BCAS3: variants seen among roughly 807,000 people sequenced by gnomAD.
BCAS3 encodes the protein BCAS4/BCAS3 fusion.
In BCAS3, 53 loss-of-function variants were observed where a neutral mutation model predicts 116.1. That is an observed-to-expected ratio of 0.46 (90% CI 0.37 to 0.57). The LOEUF is 0.57. BCAS3 is among the 20% of genes least tolerant of loss of function. The probability of loss-of-function intolerance (pLI) is 0.00; values close to 1 mark genes in which losing one functional copy is unlikely to be tolerated. For synonymous variants in BCAS3, 391 were observed against 408.2 expected (o/e 0.96, Z 0.51); for missense variants, 917 against 1,165.4 (o/e 0.79, Z 3.10).
chr17:60,775,164 C>A (rs2045150810), intron 6 of BCAS3, among the ~76,000 whole-genome samples: 1 of 152,060 alleles, frequency 6.6e-6, no homozygotes, highest in Admixed American at 6.6e-5. Context: ...TTGAAAGATG[C>A]AGGCATTATA....
chr17:61,273,187 C>T (rs2050456415), intron 22 of BCAS3, among the ~76,000 whole-genome samples: 1 of 151,314 alleles, frequency 6.6e-6, no homozygotes, highest in South Asian at 2.1e-4. Flanking sequence ...GGCTCACTGG[C>T]AGCCTCAACC....
rs2059586520 is a variant in BCAS3 at position 61,381,184 on chromosome 17, T to TC, written c.2594-10791dup. Among the ~76,000 whole-genome samples, 2 of 152,218 alleles carry TC rather than the reference T, an allele frequency of 1.3e-5. No homozygotes were observed. Among genetic ancestry groups the TC allele is most frequent in the Admixed American group, 1.3e-4 (2 of 15,276 alleles). ...GGAGGACTGACAGAACAAATGCACTTCCACCCGACAGGCAAATCGATATCT... is the reference window on the plus strand; with the variant it reads ...GGAGGACTGACAGAACAAATGCACTTCCCACCCGACAGGCAAATCGATATCT... On this transcript the variant is annotated intron_variant, in intron 23 of 23. Transcript: ENST00000407086. The surrounding 1 kb of genome is among the most constrained non-coding windows in gnomAD (Gnocchi z 6.0).
intron 22 of BCAS3, among the ~76,000 whole-genome samples, chr17:61,289,026 C>T (rs941096960): frequency 1.3e-5 from 2 of 152,252 alleles, no homozygotes; most frequent in Admixed American, 6.5e-5. Context: ...CTGCACATTT[C>T]CTCTTGGGCA....
intron 23 of BCAS3, among the ~76,000 whole-genome samples, chr17:61,372,119 C>G (rs1414712490): frequency 6.6e-6 from 1 of 152,170 alleles, no homozygotes; most frequent in East Asian, 1.9e-4. Flanking sequence ...GAAGAAAGAG[C>G]ACTTATTATT....
chr17:60,873,349 A>G lies in BCAS3; in HGVS notation c.585-1313A>G, dbSNP rs188181018. Among the ~76,000 whole-genome samples the G allele has an allele frequency of 1.6e-4, 24 of 152,306 alleles. No individual in the cohort carries two copies. The East Asian group carries it at 4.6e-3, about 29-fold the overall frequency. Reference sequence around the variant, plus strand: ...AATTGTTGTTTTTAAAGATGAACAAAATTAATAAAGCATGCATATGAAATA... The same window carrying G: ...AATTGTTGTTTTTAAAGATGAACAAGATTAATAAAGCATGCATATGAAATA... On this transcript the variant is annotated intron_variant, in intron 8 of 23. Coordinates refer to ENST00000407086, the MANE Select transcript of BCAS3 (RefSeq NM_017679.5).
At chr17:60,888,728 A>AG (rs2056921586) in intron 9 of BCAS3, among the ~76,000 whole-genome samples, 2 of 152,232 alleles carry the variant, frequency 1.3e-5, no homozygotes, top group Admixed American at 1.3e-4. Context: ...TCCTTCAAAC[A>AG]GTAGCATGAA....
chr17:60,831,222 G>A (rs2050892306), intron 7 of BCAS3, among the ~76,000 whole-genome samples: 2 of 151,946 alleles, frequency 1.3e-5, no homozygotes, highest in Admixed American at 1.3e-4. Context: ...TGTCAACCAG[G>A]CTGGAGTGTA....
At chr17:60,705,527 AAAAG>A (rs1026009197) in intron 4 of BCAS3, among the ~76,000 whole-genome samples, 15 of 151,354 alleles carry the variant, frequency 9.9e-5, no homozygotes, top group South Asian at 8.3e-4. Context: ...AAAAAAAAAA[AAAAG>A]AAAAGAAAAT....
intron 15 of BCAS3, among the ~76,000 whole-genome samples, chr17:61,009,243 T>G (rs2064940704): frequency 6.6e-6 from 1 of 152,056 alleles, no homozygotes; most frequent in Non-Finnish European, 1.5e-5. Flanking sequence ...TTTTTGCAAA[T>G]GAAGCTTTGC....
At chr17:61,242,031 C>T (rs2047565559) in intron 22 of BCAS3, among the ~76,000 whole-genome samples, 1 of 152,066 alleles carries the variant, frequency 6.6e-6, no homozygotes, top group Non-Finnish European at 1.5e-5. Context: ...AATTCCAGCA[C>T]TTTGGGAGGC....
At chr17:61,157,939 T>C (rs1406872621) in intron 22 of BCAS3, among the ~76,000 whole-genome samples, 3 of 152,248 alleles carry the variant, frequency 2.0e-5, no homozygotes, top group Non-Finnish European at 4.4e-5. Context: ...CCTGATGCAA[T>C]ATTGAAAACT....
chr17:61,086,371 G>A (rs1272111796), intron 22 of BCAS3, among the ~76,000 whole-genome samples: 1 of 152,182 alleles, frequency 6.6e-6, no homozygotes, highest in African/African-American at 2.4e-5. Context: ...GGGATTACAG[G>A]CATGAGCCAC....
At chr17:60,790,669 C>T (rs2046679342) in intron 6 of BCAS3, among the ~76,000 whole-genome samples, 2 of 150,622 alleles carry the variant, frequency 1.3e-5, no homozygotes, top group African/African-American at 4.9e-5. Context: ...GATATAGGCA[C>T]TGATTATTAT....
intron 7 of BCAS3, among the ~76,000 whole-genome samples, chr17:60,866,325 C>T (rs1215529381): frequency 1.3e-5 from 2 of 151,990 alleles, no homozygotes; most frequent in Non-Finnish European, 2.9e-5. Context: ...GACGGGGTTT[C>T]TCCATGTTGG....
intron 14 of BCAS3, among the ~76,000 whole-genome samples, chr17:60,971,699 A>T (rs1327802478): frequency 2.0e-5 from 3 of 152,212 alleles, no homozygotes; most frequent in African/African-American, 4.8e-5. Flanking sequence ...GGAATAAAAG[A>T]TAAAGTGGCT....
At chr17:60,985,141 C>CTTTTT (rs560277871) in intron 14 of BCAS3, among the ~76,000 whole-genome samples, 4 of 120,358 alleles carry the variant, frequency 3.3e-5, no homozygotes, top group Non-Finnish European at 6.6e-5. Context: ...CAACTGTATT[C>CTTTTT]TTTTTTTTTT....
chr17:61,018,597 C>T (rs758039033), intron 16 of BCAS3, among the ~76,000 whole-genome samples: 16 of 152,182 alleles, frequency 1.1e-4, no homozygotes, highest in Admixed American at 2.6e-4. Context: ...CCACCACGCC[C>T]GGCCCCAAAT....
At chr17:60,713,827 C>A (rs1207182216) in intron 5 of BCAS3, among the ~76,000 whole-genome samples, 1 of 151,994 alleles carries the variant, frequency 6.6e-6, no homozygotes, top group African/African-American at 2.4e-5. Context: ...TTTGCATTTG[C>A]TTTTTTTGTT....
intron 22 of BCAS3, among the ~76,000 whole-genome samples, chr17:61,191,273 A>C (rs1219698841): frequency 6.6e-6 from 1 of 152,208 alleles, no homozygotes; most frequent in Non-Finnish European, 1.5e-5. Flanking sequence ...TTCCAAAACA[A>C]AAGCCATAAA....
Sources: gnomAD v4.1 joint callset for allele counts (sites outside exome capture counted in the v4.1 genomes callset) on GRCh38, gnomAD v4.1.1 for gene constraint, Gnocchi (gnomAD v3.1) non-coding constraint, MANE v1.5 for transcripts, NCBI Gene and HGNC (gene_info 2026-07-23, HGNC 2026-07-21) for gene names.